The following RIPOR2 variants were observed in gnomAD, a reference collection of about 807,000 sequenced individuals.
The protein encoded by RIPOR2 is RHO family interacting cell polarization regulator 2.
In RIPOR2, 39 loss-of-function variants were observed where a neutral mutation model predicts 114.5. That is an observed-to-expected ratio of 0.34 (90% CI 0.26 to 0.44). The LOEUF (loss-of-function observed/expected upper bound fraction) is 0.44. Ranked by LOEUF, RIPOR2 falls within the 20% of genes least tolerant of loss-of-function variation. RIPOR2 has a pLI of 1.00. For synonymous variants in RIPOR2, 445 were observed against 484.4 expected (o/e 0.92, Z 1.07); for missense variants, 1,007 against 1,255.1 (o/e 0.80, Z 2.99).
Position 24,849,902 on chromosome 6 carries a change from T to G in RIPOR2, c.934A>C (p.Thr312Pro). ...GCAAACAGCTCTTTGGTCTCACAGG[T>G]CACGCTACCTACCAGGATGTGAGTT... ...LATHILVGSVTCETKELFAAR... is the reference protein window; with the variant it reads ...LATHILVGSVPCETKELFAAR... Residue 312 changes from threonine to proline, a missense_variant, in exon 11 of 22, where the codon ACC becomes CCC. By Grantham distance (38) the Thr-to-Pro change is conservative (BLOSUM62 -1). Transcript: ENST00000643898. 1 of 1,613,852 alleles carries G rather than the reference T, an allele frequency of 6.2e-7. No individual in the cohort carries two copies. The highest frequency in any genetic ancestry group is 1.1e-5 in the South Asian group (1 of 91,088).
chr6:25,002,000 G>A lies in RIPOR2; in HGVS notation c.76+39851C>T, dbSNP rs971057559. 4.6e-5 allele frequency among the ~76,000 whole-genome samples: 7 copies of A among 151,720 alleles called. No individual in the cohort carries two copies. The East Asian group carries it at 7.8e-4, about 17-fold the overall frequency. Reference sequence around the variant, plus strand: ...TGGCATTACAGGTGTGAGCCACTGCGCCCAGCCTGTGGGCCTTACTTTCTC... The same window carrying A: ...TGGCATTACAGGTGTGAGCCACTGCACCCAGCCTGTGGGCCTTACTTTCTC... On this transcript the variant is annotated intron_variant, in intron 1 of 13. Transcript: ENST00000510784.
chr6:25,033,101 G>A (rs1777071616), intron 1 of RIPOR2, among the ~76,000 whole-genome samples: 1 of 152,132 alleles, frequency 6.6e-6, no homozygotes, highest in Admixed American at 6.6e-5. Context: ...CTGCTTGGGA[G>A]GCTGAGGTAG....
intron 21 of RIPOR2, among the ~76,000 whole-genome samples, chr6:24,809,391 C>T (rs1257614181): frequency 6.6e-6 from 1 of 152,212 alleles, no homozygotes; most frequent in Non-Finnish European, 1.5e-5. Flanking sequence ...CACCTGGCAA[C>T]ACAGCCTGGA....
At chr6:24,895,112 G>A (rs2113986161) in intron 1 of RIPOR2, among the ~76,000 whole-genome samples, 1 of 152,214 alleles carries the variant, frequency 6.6e-6, no homozygotes, top group East Asian at 1.9e-4. Context: ...GTGTGCAGTG[G>A]CACCATCTCG....
upstream of RIPOR2, among the ~76,000 whole-genome samples, chr6:24,938,427 G>A (rs1047119636): frequency 7.2e-5 from 11 of 152,190 alleles, no homozygotes; most frequent in Non-Finnish European, 1.6e-4. Context: ...AGTTTCTGTT[G>A]CTTAAGCCAC....
chr6:25,014,329 C>CTTGAAATAT (rs1369201122), intron 1 of RIPOR2, among the ~76,000 whole-genome samples: 1 of 152,202 alleles, frequency 6.6e-6, no homozygotes, highest in African/African-American at 2.4e-5. Flanking sequence ...CTACAATCAC[C>CTTGAAATAT]TTGAAATATC....
intron 1 of RIPOR2, among the ~76,000 whole-genome samples, chr6:25,005,036 G>T (rs1775492512): frequency 6.8e-6 from 1 of 147,964 alleles, no homozygotes; most frequent in Non-Finnish European, 1.5e-5. Context: ...CACACACTCT[G>T]CTGTGTCATC....
At chr6:24,917,587 T>C (rs1770176126) in intron 1 of RIPOR2, among the ~76,000 whole-genome samples, 1 of 152,150 alleles carries the variant, frequency 6.6e-6, no homozygotes, top group Admixed American at 6.5e-5. Context: ...TGGAGTGCAA[T>C]GGCGCGATCT....
intron 1 of RIPOR2, among the ~76,000 whole-genome samples, chr6:24,926,802 G>A (rs567494007): frequency 2.6e-5 from 4 of 151,988 alleles, no homozygotes; most frequent in South Asian, 2.1e-4. Context: ...CCCTTTAAAC[G>A]CAGCAGTTTT....
At chr6:24,925,772 C>A (rs1284211628) in intron 1 of RIPOR2, among the ~76,000 whole-genome samples, 2 of 152,126 alleles carry the variant, frequency 1.3e-5, no homozygotes, top group African/African-American at 4.8e-5. Flanking sequence ...TTCAACCTAA[C>A]CAACTAATTA....
chr6:24,806,982 A>G (rs542522493), intron 21 of RIPOR2, among the ~76,000 whole-genome samples: 1 of 152,350 alleles, frequency 6.6e-6, no homozygotes, highest in East Asian at 1.9e-4. Context: ...GCCACCAGCT[A>G]GTTCAGTTTT....
At chr6:24,941,347 G>A (rs1464014992) in intron 1 of RIPOR2, among the ~76,000 whole-genome samples, 2 of 151,852 alleles carry the variant, frequency 1.3e-5, no homozygotes, top group Admixed American at 6.5e-5. Flanking sequence ...TATGACTGCT[G>A]GGAGTGGTTA....
Position 24,858,106 on chromosome 6 carries a change from C to G in RIPOR2, c.715+2867G>C, listed in dbSNP as rs563332602. 6.6e-6 allele frequency among the ~76,000 whole-genome samples: 1 copy of G among 152,214 alleles called. No individual in the cohort carries two copies. Among genetic ancestry groups the G allele is most frequent in the Non-Finnish European group, 1.5e-5 (1 of 68,036 alleles). On this transcript the variant is annotated intron_variant, in intron 8 of 21. Transcript: ENST00000643898. This position sits in a 1 kb window ranked among gnomAD's most constrained non-coding sequence, Gnocchi z 4.0. ...GAGTGGCAACCTTTTCCTCCTCTCCCCTCCTGCTTTTGCAGCAAACTGGGT... is the reference window on the plus strand; with the variant it reads ...GAGTGGCAACCTTTTCCTCCTCTCCGCTCCTGCTTTTGCAGCAAACTGGGT...
chr6:25,015,973 G>A (rs1412816004), intron 1 of RIPOR2: 6 of 138,066 alleles, frequency 4.3e-5, no homozygotes, highest in African/African-American at 1.3e-4. Context: ...GCATGATCTC[G>A]GCTCACTGCA....
At chr6:24,951,416 G>A (rs995846092) in intron 1 of RIPOR2, among the ~76,000 whole-genome samples, 2 of 152,204 alleles carry the variant, frequency 1.3e-5, no homozygotes, top group Non-Finnish European at 2.9e-5. Flanking sequence ...TTTGCATGGT[G>A]TTGTCTGCCA....
chr6:24,948,231 A>G (rs1395487915), intron 1 of RIPOR2: 1 of 152,218 alleles, frequency 6.6e-6, no homozygotes, highest in East Asian at 1.9e-4. Flanking sequence ...TATAGTCCCA[A>G]CAGCAGACTT....
At chr6:24,979,600 T>C (rs1774213298) in intron 1 of RIPOR2, among the ~76,000 whole-genome samples, 1 of 152,182 alleles carries the variant, frequency 6.6e-6, no homozygotes, top group Admixed American at 6.5e-5. Context: ...AAGCCTCCAG[T>C]TCTGCTTTGC....
intron 1 of RIPOR2, among the ~76,000 whole-genome samples, chr6:25,012,823 C>T (rs1278135176): frequency 6.6e-6 from 1 of 152,046 alleles, no homozygotes; most frequent in Non-Finnish European, 1.5e-5. Context: ...GATGGCTGCT[C>T]AACTTGGCAA....
chr6:24,888,806 T>A (rs975574330), intron 1 of RIPOR2, among the ~76,000 whole-genome samples: 1 of 152,228 alleles, frequency 6.6e-6, no homozygotes, highest in Non-Finnish European at 1.5e-5. Flanking sequence ...TTTCTGTCCA[T>A]CCTAACAAGT....
Sources: allele counts gnomAD v4.1 joint callset (sites outside exome capture counted in the v4.1 genomes callset), GRCh38; gene constraint gnomAD v4.1.1; non-coding constraint Gnocchi (gnomAD v3.1); transcripts MANE v1.5; gene names NCBI Gene and HGNC (gene_info 2026-07-23, HGNC 2026-07-21).